Variants in SH2B2 observed in about 807,000 individuals in gnomAD.
SH2B2 encodes SH2B adapter protein 2.
Under a neutral mutation model 35.7 loss-of-function variants are expected in SH2B2, and 37 were observed. The observed-to-expected ratio is 1.04, with a 90% CI of 0.80 to 1.36. The LOEUF is 1.36. SH2B2 is among the 40% of genes most tolerant of loss of function. SH2B2 has a pLI of 0.00. For synonymous variants in SH2B2, 383 were observed against 376.4 expected (o/e 1.02, Z -0.20); for missense variants, 852 against 817.7 (o/e 1.04, Z -0.51).
At chr7:102,308,016 C>G (rs1793469475) in intron 3 of SH2B2, among the ~76,000 whole-genome samples, 1 of 152,176 alleles carries the variant, frequency 6.6e-6, no homozygotes, top group Non-Finnish European at 1.5e-5. Flanking sequence ...GGAGATCTGC[C>G]CTCCTCAGCC....
Position 102,321,373 on chromosome 7 carries a change from T to G in SH2B2, c.1642T>G (p.Ser548Ala). ...WSDSPGQHYF[S>A]SLAAAACPPA... ...CGACTCGCCCGGCCAGCACTACTTC[T>G]CCAGCCTCGCCGCGGCCGCCTGCCC... The change falls in exon 9 of 9, where the codon TCC becomes GCC. Residue 548 changes from serine (S) to alanine (A), a missense_variant. Physicochemically the swap from Ser to Ala is moderately conservative, Grantham distance 99. Transcript: ENST00000444095. 1 of 1,407,440 alleles carries G rather than the reference T, an allele frequency of 7.1e-7. No individual in the cohort carries two copies. Among genetic ancestry groups the G allele is most frequent in the Non-Finnish European group, 9.2e-7 (1 of 1,082,624 alleles). 87.2% of individuals were successfully genotyped at this position (1,407,440 alleles called of 1,614,324 possible). A position where few individuals can be genotyped will look rare whatever the true frequency, so the allele number is the denominator to read the frequency against.
At chr7:102,303,353 G>A (rs1793268834) in intron 2 of SH2B2, among the ~76,000 whole-genome samples, 2 of 152,100 alleles carry the variant, frequency 1.3e-5, no homozygotes, top group South Asian at 4.1e-4. Flanking sequence ...GCAGCCGACA[G>A]CACCCCCAGG....
rs1554552617 is a variant in SH2B2 at position 102,297,201 on chromosome 7, C to T, written c.-29-3321C>T. On this transcript the variant is annotated intron_variant, in intron 1 of 8. Coordinates refer to ENST00000444095, the MANE Select transcript of SH2B2 (RefSeq NM_001359228.2). This position sits in a 1 kb window ranked among gnomAD's most constrained non-coding sequence, Gnocchi z 4.3. ...GGATGTGAATTATCCCTTTGTCTGGCATATCCGCACTCTGGATACGACCCG... is the reference window on the plus strand; with the variant it reads ...GGATGTGAATTATCCCTTTGTCTGGTATATCCGCACTCTGGATACGACCCG... Among the ~76,000 whole-genome samples, 1 of 152,132 alleles carries T rather than the reference C, an allele frequency of 6.6e-6. No homozygotes were observed. The highest frequency in any genetic ancestry group is 1.5e-5 in the Non-Finnish European group (1 of 68,036).
intron 1 of SH2B2, among the ~76,000 whole-genome samples, chr7:102,295,819 G>A (rs782228078): frequency 1.3e-5 from 2 of 152,048 alleles, no homozygotes; most frequent in African/African-American, 2.4e-5. Flanking sequence ...CAGGGAAAAG[G>A]TCAGGCATGA....
In SH2B2 at chr7:102,317,235, T is replaced by C. The variant is rs782717144; in HGVS notation, c.1235T>C (p.Leu412Pro). 1 of 1,612,292 alleles carries C rather than the reference T, an allele frequency of 6.2e-7. No homozygotes were observed. The highest frequency in any genetic ancestry group is 8.5e-7 in the Non-Finnish European group (1 of 1,179,226). The change falls in exon 7 of 9, where the codon CTA becomes CCA. Residue 412 changes from leucine to proline, a missense_variant. By Grantham distance (98) the Leu-to-Pro change is moderately conservative. This residue lies in a region of SH2B2 where 556 missense variants were observed against 514.5 expected (regional missense o/e 1.08). Transcript: ENST00000444095. ...TDPEAEPELELSDYPWFHGTL... is the reference protein window; with the variant it reads ...TDPEAEPELEPSDYPWFHGTL... Reference sequence around the variant, plus strand: ...CCCGAGGCTGAACCCGAGCTGGAGCTATCCGACTACCCATGGTTCCACGGG... The same window carrying C: ...CCCGAGGCTGAACCCGAGCTGGAGCCATCCGACTACCCATGGTTCCACGGG...
intron 8 of SH2B2, 117 bp downstream of exon 8, chr7:102,320,619 G>A (rs782805445): frequency 1.6e-5 from 21 of 1,341,298 alleles, no homozygotes; most frequent in Middle Eastern, 1.9e-4. Flanking sequence ...AGCCTCAGCC[G>A]TGTCCCTCCC....
rs34275327 is a variant in SH2B2, at chr7:102,292,530, CA to C, written c.-30+5454del. Among the ~76,000 whole-genome samples the C allele has an allele frequency of 4.5e-3, 508 of 113,020 alleles. 3 individuals are homozygous for C. Among genetic ancestry groups the C allele is most frequent in the African/African-American group, 8.1e-3 (232 of 28,810 alleles). 74.1% of individuals were successfully genotyped at this position (113,020 alleles called of 152,430 possible). ...TCGGCAACAGAGCAAGACTCCGTCT[CA>C]AAAAAAAAAAAAAAAAATTACCTGG... On this transcript the variant is annotated intron_variant, in intron 1 of 8. Transcript: ENST00000444095.
At chr7:102,309,007 G>A (rs1446042804) in intron 4 of SH2B2, 101 bp downstream of exon 4, 3 of 913,224 alleles carry the variant, frequency 3.3e-6, no homozygotes, top group African/African-American at 1.6e-5. Context: ...AGCTCAGCTT[G>A]AGAAATGAGC....
rs1193290849 is a variant in SH2B2, at chr7:102,307,768, GT to G, written c.831+958del. On this transcript the variant is annotated intron_variant, in intron 3 of 8. Transcript: ENST00000444095. ...GGAGCCCAACAACTACATTTTTTTTGTTTTTTTTTTTTCTTTGTTTGGAGAT... is the reference window on the plus strand; with the variant it reads ...GGAGCCCAACAACTACATTTTTTTTGTTTTTTTTTTTCTTTGTTTGGAGAT... 6.0e-3 allele frequency among the ~76,000 whole-genome samples: 854 copies of G among 142,816 alleles called. 4 individuals carry two copies. The highest frequency in any genetic ancestry group is 0.02 in the African/African-American group (778 of 39,064). The allele number at this position is 142,816 out of a possible 152,430, so 93.7% of individuals were successfully genotyped here. A position where few individuals can be genotyped will look rare whatever the true frequency, so the allele number is the denominator to read the frequency against.
At chr7:102,293,480 A>C (rs1424387956) in intron 1 of SH2B2, among the ~76,000 whole-genome samples, 3 of 150,716 alleles carry the variant, frequency 2.0e-5, no homozygotes, top group Non-Finnish European at 3.0e-5. Context: ...GAAAAAAAAA[A>C]CACATTTTTT....
chr7:102,298,914 CTT>C (rs1182008499), intron 1 of SH2B2, among the ~76,000 whole-genome samples: 8 of 93,396 alleles, frequency 8.6e-5, no homozygotes, highest in South Asian at 3.8e-4. Context: ...TCTTTCTTCT[CTT>C]TTTTTTTTTT....
At chr7:102,314,483 T>C in intron 5 of SH2B2, 29 bp from the exon 6 acceptor site, 1 of 398,604 alleles carries the variant, frequency 2.5e-6, no homozygotes, top group South Asian at 1.3e-4. Context: ...CAGATAAAGA[T>C]ACGTGCATCT....
At chr7:102,293,378 G>A (rs1554552115) in intron 1 of SH2B2, among the ~76,000 whole-genome samples, 1 of 151,584 alleles carries the variant, frequency 6.6e-6, no homozygotes, top group African/African-American at 2.4e-5. Context: ...GAAAGGCGAT[G>A]AGCAGGGACT....
At position 102,321,288 on chromosome 7, in the gene SH2B2, C is replaced by T; in HGVS notation, c.1568-11C>T. On this transcript the variant is annotated splice_polypyrimidine_tract_variant and intron_variant, in intron 8 of 8. Transcript: ENST00000444095. ...GGTCCCCACTCACGCCCTGCCGTCG[C>T]CTTGTTGCAGAGCCGGGCCCCACGC... 7.3e-7 allele frequency: 1 copy of T among 1,374,566 alleles called. No homozygotes were observed. Among genetic ancestry groups the T allele is most frequent in the Non-Finnish European group, 9.3e-7 (1 of 1,070,666 alleles). The allele number at this position is 1,374,566 out of a possible 1,614,324, so 85.1% of individuals were successfully genotyped here. A position where few individuals can be genotyped will look rare whatever the true frequency, so the allele number is the denominator to read the frequency against.
chr7:102,300,249 C>T (rs939209799), intron 1 of SH2B2, among the ~76,000 whole-genome samples: 7 of 152,234 alleles, frequency 4.6e-5, no homozygotes, highest in African/African-American at 1.7e-4. Flanking sequence ...AGGCTGATCT[C>T]GAACTCCCAA....
chr7:102,320,285 G>A (rs1554558081), intron 7 of SH2B2, 46 bp from the exon 8 acceptor site: 3 of 1,514,776 alleles, frequency 2.0e-6, no homozygotes, highest in African/African-American at 1.4e-5. Flanking sequence ...TTACCCAGGT[G>A]CCCAGCCCCG....
chr7:102,285,185 T>C (rs1792389751), upstream of SH2B2: 1 of 1,551,058 alleles, frequency 6.4e-7, no homozygotes, highest in Non-Finnish European at 8.7e-7. Flanking sequence ...GTCCTGCCCA[T>C]GGCTTCCCAT....
intron 7 of SH2B2, among the ~76,000 whole-genome samples, chr7:102,318,133 CTTTGTT>C (rs1181179120): frequency 2.0e-5 from 3 of 151,864 alleles, no homozygotes; most frequent in African/African-American, 7.2e-5. Flanking sequence ...ACCTGAAATG[CTTTGTT>C]TTTGTTTTTG....
At chr7:102,292,329 G>A (rs565488244) in intron 1 of SH2B2, among the ~76,000 whole-genome samples, 1 of 152,124 alleles carries the variant, frequency 6.6e-6, no homozygotes, top group East Asian at 1.9e-4. Context: ...TCGGAAGTTC[G>A]AGACCAGCCT....
Sources: allele counts gnomAD v4.1 joint callset (sites outside exome capture counted in the v4.1 genomes callset), GRCh38; gene constraint gnomAD v4.1.1; regional missense constraint gnomAD v4.1.1; non-coding constraint Gnocchi (gnomAD v3.1); transcripts MANE v1.5; gene names NCBI Gene and HGNC (gene_info 2026-07-23, HGNC 2026-07-21).